Variants in CNTNAP5 observed in about 807,000 individuals in gnomAD.
The protein encoded by CNTNAP5 is contactin-associated protein-like 5.
Under a neutral mutation model 150.2 loss-of-function variants are expected in CNTNAP5, and 72 were observed. The ratio of observed to expected loss-of-function variants is 0.48; its 90% CI spans 0.40 to 0.58. The LOEUF (loss-of-function observed/expected upper bound fraction) is 0.58. Ranked by LOEUF, CNTNAP5 falls within the 20% of genes least tolerant of loss-of-function variation. The probability of loss-of-function intolerance (pLI) is 0.00; values close to 1 mark genes in which losing one functional copy is unlikely to be tolerated. For missense variants in CNTNAP5, 1,636 were observed against 1,626.2 expected (o/e 1.01, Z -0.10); for synonymous variants, 672 against 619.8 (o/e 1.08, Z -1.25).
intron 13 of CNTNAP5, among the ~76,000 whole-genome samples, chr2:124,669,798 G>T (rs79001245): frequency 1.3e-5 from 2 of 152,114 alleles, no homozygotes; most frequent in Non-Finnish European, 2.9e-5. Context: ...TGATAAAAAC[G>T]TTCCTAATCC....
intron 11 of CNTNAP5, among the ~76,000 whole-genome samples, chr2:124,578,546 G>C (rs1313438936): frequency 6.6e-6 from 1 of 152,042 alleles, no homozygotes; most frequent in Non-Finnish European, 1.5e-5. Context: ...CCGAGGCGGT[G>C]GATCACTTGA....
chr2:124,140,079 A>T (rs2104615218), intron 1 of CNTNAP5, among the ~76,000 whole-genome samples: 1 of 151,964 alleles, frequency 6.6e-6, no homozygotes, highest in South Asian at 2.1e-4. Flanking sequence ...CGCTTTTCAG[A>T]CCGGCTTAAA....
At chr2:124,314,260 C>T (rs888524740) in intron 3 of CNTNAP5, among the ~76,000 whole-genome samples, 4 of 152,154 alleles carry the variant, frequency 2.6e-5, no homozygotes, top group Non-Finnish European at 5.9e-5. Flanking sequence ...TACTGATTTC[C>T]GTGTTTCACA....
chr2:124,796,159 C>T (rs1247447394), intron 18 of CNTNAP5, among the ~76,000 whole-genome samples: 1 of 151,974 alleles, frequency 6.6e-6, no homozygotes, highest in African/African-American at 2.4e-5. Flanking sequence ...AGAACTGGGG[C>T]TGGAGGAAGA....
At chr2:124,387,564 A>G (rs1479203474) in intron 3 of CNTNAP5, among the ~76,000 whole-genome samples, 1 of 152,072 alleles carries the variant, frequency 6.6e-6, no homozygotes, top group Non-Finnish European at 1.5e-5. Flanking sequence ...CACAAAGTAC[A>G]TTCTCAAGGG....
chr2:124,296,473 C>T (rs1688434454), intron 3 of CNTNAP5, among the ~76,000 whole-genome samples: 1 of 152,188 alleles, frequency 6.6e-6, no homozygotes, highest in Non-Finnish European at 1.5e-5. Context: ...TGAACACTGT[C>T]TTTGTCACCA....
intron 3 of CNTNAP5, among the ~76,000 whole-genome samples, chr2:124,315,208 G>C (rs1573910633): frequency 6.6e-6 from 1 of 152,214 alleles, no homozygotes; most frequent in East Asian, 1.9e-4. Context: ...TGGTCCTCCT[G>C]TCAAGGCCTT....
intron 3 of CNTNAP5, among the ~76,000 whole-genome samples, chr2:124,257,255 C>G (rs1042669082): frequency 6.6e-6 from 1 of 152,190 alleles, no homozygotes; most frequent in African/African-American, 2.4e-5. Context: ...AAACAGTACT[C>G]TTTAAATATT....
At chr2:124,902,075 C>A (rs1678424906) in intron 21 of CNTNAP5, among the ~76,000 whole-genome samples, 1 of 152,006 alleles carries the variant, frequency 6.6e-6, no homozygotes, top group African/African-American at 2.4e-5. Flanking sequence ...AAAAAGATGG[C>A]TCATTATGCA....
intron 13 of CNTNAP5, among the ~76,000 whole-genome samples, chr2:124,659,169 T>C (rs1235887207): frequency 6.6e-6 from 1 of 152,252 alleles, no homozygotes; most frequent in African/African-American, 2.4e-5. Flanking sequence ...TCACTCTTCA[T>C]AACTTTTTAG....
At chr2:124,710,101 T>A (rs12997240) in intron 13 of CNTNAP5, among the ~76,000 whole-genome samples, 24,667 of 151,014 alleles carry the variant, frequency 0.16, 2,257 homozygotes, top group East Asian at 0.24. Context: ...TTTGACAATG[T>A]TGTGTTTATG....
intron 18 of CNTNAP5, among the ~76,000 whole-genome samples, chr2:124,792,970 T>C (rs1681768259): frequency 6.6e-6 from 1 of 152,230 alleles, no homozygotes; most frequent in Non-Finnish European, 1.5e-5. Flanking sequence ...TTCATTTCTT[T>C]GGCTATTATA....
chr2:124,706,591 A>C (rs1012140207), intron 13 of CNTNAP5, among the ~76,000 whole-genome samples: 1 of 151,908 alleles, frequency 6.6e-6, no homozygotes, highest in East Asian at 2.0e-4. Context: ...TATAAAATAT[A>C]CAAAAATTAG....
In CNTNAP5 at chr2:124,647,978, G is replaced by T; in HGVS notation, c.2077+20G>T. ...CGCCGGGTAAGGCCTCTGCATGCAT[G>T]ACCACAGTGGGATAGATGGGACCCT... On this transcript the variant is annotated intron_variant, in intron 13 of 23. Coordinates refer to ENST00000682447, the MANE Select transcript of CNTNAP5 (RefSeq NM_001367498.1). 1 of 1,574,286 alleles carries T rather than the reference G, an allele frequency of 6.4e-7. No individual in the cohort carries two copies. The highest frequency in any genetic ancestry group is 1.2e-5 in the South Asian group (1 of 86,284).
At chr2:124,903,175 T>A in intron 22 of CNTNAP5, 75 bp downstream of exon 22, 1 of 961,628 alleles carries the variant, frequency 1.0e-6, no homozygotes, top group South Asian at 2.9e-5. Flanking sequence ...GCTTCCAGAT[T>A]AAAGAGTTGG....
At chr2:124,432,017 C>G (rs1351951761) in intron 4 of CNTNAP5, among the ~76,000 whole-genome samples, 1 of 152,108 alleles carries the variant, frequency 6.6e-6, no homozygotes, top group Non-Finnish European at 1.5e-5. Flanking sequence ...GCTCTGTGCT[C>G]AGTGCTGGTG....
intron 1 of CNTNAP5, among the ~76,000 whole-genome samples, chr2:124,043,304 G>A (rs1681437795): frequency 6.6e-6 from 1 of 152,088 alleles, no homozygotes; most frequent in Admixed American, 6.5e-5. Flanking sequence ...GACCTCACAA[G>A]ACAGCTCAGT....
chr2:124,605,120 G>A (rs528456060), intron 11 of CNTNAP5, among the ~76,000 whole-genome samples: 1 of 152,294 alleles, frequency 6.6e-6, no homozygotes, highest in East Asian at 1.9e-4. Flanking sequence ...TACAGTGTGA[G>A]AGGCCACGTG....
rs541471162 is a variant in CNTNAP5, at chr2:124,657,111, G to T, written c.2077+9153G>T. Among the ~76,000 whole-genome samples the T allele has an allele frequency of 3.3e-5, 5 of 152,068 alleles. No individual in the cohort carries two copies. The South Asian group carries it at 1.0e-3, about 32-fold the overall frequency. ...TTAGGTCCCTTAGGTACTGATAGAG[G>T]GTCTCCCAATCTCATAGTGTGGCCA... is the stretch of plus-strand genomic sequence containing the variant. On this transcript the variant is annotated intron_variant, in intron 13 of 23. Transcript: ENST00000682447.
Sources: allele counts gnomAD v4.1 joint callset (sites outside exome capture counted in the v4.1 genomes callset), GRCh38; gene constraint gnomAD v4.1.1; transcripts MANE v1.5; gene names NCBI Gene and HGNC (gene_info 2026-07-23, HGNC 2026-07-21).